PCDH19: variants seen among roughly 807,000 people sequenced by gnomAD.
PCDH19 encodes protocadherin 19.
A neutral mutation model predicts 46.2 loss-of-function variants in PCDH19; 6 were observed. The ratio of observed to expected loss-of-function variants is 0.13; its 90% CI spans 0.07 to 0.26. The LOEUF (loss-of-function observed/expected upper bound fraction) is 0.26, where lower values mean the gene tolerates loss of function less well. Ranked by LOEUF, PCDH19 falls within the 10% of genes least tolerant of loss-of-function variation. The pLI, the probability that PCDH19 is intolerant of heterozygous loss-of-function variation, is 1.00. For missense variants in PCDH19, 740 were observed against 972.3 expected (o/e 0.76, Z 3.18); for synonymous variants, 481 against 415.7 (o/e 1.16, Z -1.91).
chrX:100,338,291 G>A (rs1255810124), intron 5 of PCDH19, among the ~76,000 whole-genome samples: 1 of 97,617 alleles, frequency 1.0e-5, no homozygotes, highest in Non-Finnish European at 2.0e-5. Flanking sequence ...GCAGTGAGCC[G>A]AGATCCCGCC....
rs1323322469 is a variant in PCDH19 at position 100,409,994 on chromosome X, GGTGTGGGGAGTGT to G, written c.-1410_-1398del. 3.4e-6 allele frequency: 1 copy of G among 298,310 alleles called. No individual in the cohort carries two copies. Among genetic ancestry groups the G allele is most frequent in the Non-Finnish European group, 5.8e-6 (1 of 173,159 alleles). 24.6% of individuals were successfully genotyped at this position (298,310 alleles called of 1,213,427 possible). On this transcript the variant is annotated 5_prime_UTR_variant, in exon 1 of 6. Transcript: ENST00000373034. ...AGAGAGAGAGGAAGAGTGAGTGTGT[GGTGTGGGGAGTGT>G]GAGTGTGGAGTATGAGCAAGCAGGA...
At chrX:100,347,982 C>T (rs776913469) in intron 4 of PCDH19, among the ~76,000 whole-genome samples, 1 of 102,267 alleles carries the variant, frequency 9.8e-6, no homozygotes, top group South Asian at 4.9e-4. Flanking sequence ...AGGAAAATCA[C>T]TTGAACCCGG....
intron 4 of PCDH19, among the ~76,000 whole-genome samples, chrX:100,346,182 T>C (rs1160820034): frequency 1.8e-5 from 2 of 112,000 alleles, no homozygotes; most frequent in Non-Finnish European, 3.8e-5. Flanking sequence ...GAAGAGTTAC[T>C]CAGCAGATGC....
At chrX:100,310,446 T>C (rs768541762) in intron 5 of PCDH19, among the ~76,000 whole-genome samples, 1 of 111,286 alleles carries the variant, frequency 9.0e-6, no homozygotes, top group South Asian at 3.9e-4. Flanking sequence ...AGAGATTGAC[T>C]AGACTGAAAT....
intron 4 of PCDH19, among the ~76,000 whole-genome samples, chrX:100,347,071 G>A (rs1384129968): frequency 9.2e-6 from 1 of 108,841 alleles, no homozygotes; most frequent in African/African-American, 3.4e-5. Flanking sequence ...GTGACAGTCT[G>A]GAAAAAAAAA....
chrX:100,306,312 T>C (rs1924943788), intron 5 of PCDH19, among the ~76,000 whole-genome samples: 1 of 112,121 alleles, frequency 8.9e-6, no homozygotes, highest in South Asian at 3.7e-4. Flanking sequence ...TTCTGAATTA[T>C]CATTGGGTCA....
chrX:100,342,216 AT>A, intron 4 of PCDH19, 141 bp from the exon 5 acceptor site: 1 of 542,799 alleles, frequency 1.8e-6, no homozygotes, highest in South Asian at 2.5e-5. Context: ...GGGAAGAGAA[AT>A]TTGTGCTTAA....
chrX:100,399,082 A>G (rs1229180768), intron 3 of PCDH19, among the ~76,000 whole-genome samples: 2 of 112,291 alleles, frequency 1.8e-5, no homozygotes, highest in Non-Finnish European at 3.8e-5. Flanking sequence ...TATCTGGCAC[A>G]TTCTAAATGT....
chrX:100,361,557 G>T (rs1000431471), intron 3 of PCDH19, among the ~76,000 whole-genome samples: 3 of 112,011 alleles, frequency 2.7e-5, no homozygotes, highest in Admixed American at 9.5e-5. Flanking sequence ...ATAAGAATTA[G>T]CATTTGAAAA....
intron 5 of PCDH19, among the ~76,000 whole-genome samples, chrX:100,322,857 A>ATTT (rs1481284837): frequency 3.9e-5 from 2 of 50,887 alleles, no homozygotes; most frequent in East Asian, 3.4e-4. Context: ...ATATATATAT[A>ATTT]TATATATATT....
At chrX:100,376,036 A>G (rs1927368632) in intron 3 of PCDH19, among the ~76,000 whole-genome samples, 1 of 110,636 alleles carries the variant, frequency 9.0e-6, no homozygotes, top group South Asian at 3.8e-4. Flanking sequence ...CAGGAGTCTG[A>G]GACCAGCCTG....
intron 5 of PCDH19, among the ~76,000 whole-genome samples, chrX:100,326,135 T>C (rs770962964): frequency 1.2e-4 from 13 of 112,697 alleles, no homozygotes; most frequent in East Asian, 5.6e-4. Flanking sequence ...CTGGGAGTTA[T>C]AGAGAGAGAA....
At chrX:100,312,602 C>T (rs915041475) in intron 5 of PCDH19, among the ~76,000 whole-genome samples, 1 of 111,727 alleles carries the variant, frequency 9.0e-6, no homozygotes, top group Admixed American at 9.5e-5. Flanking sequence ...AGAAGAAAGG[C>T]TAATTGATCT....
At chrX:100,372,284 C>T (rs969185509) in intron 3 of PCDH19, among the ~76,000 whole-genome samples, 2 of 111,701 alleles carry the variant, frequency 1.8e-5, no homozygotes, top group East Asian at 5.6e-4. Context: ...TTTTCAGCTT[C>T]CTAAGATGTC....
rs74987273 is a variant in PCDH19, at chrX:100,345,989, C to T, written c.2676-3914G>A. Among the ~76,000 whole-genome samples, 16 of 112,374 alleles carry T rather than the reference C, an allele frequency of 1.4e-4. No homozygotes were observed. The East Asian group carries it at 4.5e-3, about 31-fold the overall frequency. ...ATGCCAGGCATAAAAATGCTGATTT[C>T]ACTTGCTTTATTACCTGCATACCTC... is the stretch of plus-strand genomic sequence containing the variant. On this transcript the variant is annotated intron_variant, in intron 4 of 5. Coordinates refer to ENST00000373034, the MANE Select transcript of PCDH19 (RefSeq NM_001184880.2).
At chrX:100,318,256 C>T (rs1417423758) in intron 5 of PCDH19, among the ~76,000 whole-genome samples, 2 of 112,139 alleles carry the variant, frequency 1.8e-5, no homozygotes, top group African/African-American at 6.5e-5. Context: ...CCTTTTTTCC[C>T]TTCCATAAGT....
intron 4 of PCDH19, among the ~76,000 whole-genome samples, chrX:100,344,692 G>T (rs1926345057): frequency 1.0e-5 from 1 of 99,364 alleles, no homozygotes; most frequent in Non-Finnish European, 2.0e-5. Context: ...AACATATGAT[G>T]GTGAGGGATC....
chrX:100,298,926 T>TA (rs1924695352), intron 5 of PCDH19, among the ~76,000 whole-genome samples: 1 of 111,672 alleles, frequency 9.0e-6, no homozygotes, highest in African/African-American at 3.3e-5. Flanking sequence ...GTCACATCTT[T>TA]AGGGCTTCCC....
rs199879056 is a variant in PCDH19 at position 100,407,491 on chromosome X, G to A, written c.1107C>T (p.Ala369=). 149 of 1,210,554 alleles carry A rather than the reference G, an allele frequency of 1.2e-4. No homozygotes were observed. The highest frequency in any genetic ancestry group is 1.6e-4 in the Non-Finnish European group (139 of 895,472). The change falls in exon 1 of 6, where the codon GCC becomes GCT. Residue 369 remains alanine, a synonymous_variant. Transcript: ENST00000373034. The part of the protein sequence containing the change: ...SESAPPGYVI[A]LVRVSDRDSG... ...AGTCGCGATCAGACACCCGCACCAA[G>A]GCGATCACGTAGCCCGGGGGGGCGC...
Sources: allele counts gnomAD v4.1 joint callset (sites outside exome capture counted in the v4.1 genomes callset), GRCh38; gene constraint gnomAD v4.1.1; transcripts MANE v1.5; gene names NCBI Gene and HGNC (gene_info 2026-07-23, HGNC 2026-07-21).